DPP10: variants seen among roughly 807,000 people sequenced by gnomAD.
DPP10 encodes inactive dipeptidyl peptidase 10.
DPP10 carries 33 observed loss-of-function variants against 120.9 expected under a neutral mutation model. The observed-to-expected ratio is 0.27, with a 90% CI of 0.21 to 0.37. The LOEUF (loss-of-function observed/expected upper bound fraction) is 0.37. DPP10 is among the 10% of genes least tolerant of loss of function. DPP10 has a pLI of 1.00. For synonymous variants in DPP10, 337 were observed against 326.1 expected, an observed-to-expected ratio of 1.03 and a Z score of -0.36; for missense variants, 816 against 942.8, an observed-to-expected ratio of 0.87 and a Z score of 1.76.
At chr2:115,251,384 C>A (rs752059102) in intron 1 of DPP10, among the ~76,000 whole-genome samples, 1 of 152,122 alleles carries the variant, frequency 6.6e-6, no homozygotes, top group Non-Finnish European at 1.5e-5. Flanking sequence ...CACTCTCTGC[C>A]ACTTTTTCAG....
At chr2:115,777,035 C>T (rs1682183494) in intron 13 of DPP10, among the ~76,000 whole-genome samples, 173 bp from the exon 14 acceptor site, 1 of 151,964 alleles carries the variant, frequency 6.6e-6, no homozygotes, top group Non-Finnish European at 1.5e-5. Context: ...AACCTACCTG[C>T]CTTGATCTGT....
At chr2:115,565,748 GTTTTT>G (rs11327867) in intron 5 of DPP10, among the ~76,000 whole-genome samples, 112 of 138,484 alleles carry the variant, frequency 8.1e-4, no homozygotes, top group African/African-American at 2.8e-3. Context: ...GAGGTTATGG[GTTTTT>G]TTTTTTGTTT....
At chr2:115,546,339 A>G (rs2079499278) in intron 5 of DPP10, among the ~76,000 whole-genome samples, 1 of 152,110 alleles carries the variant, frequency 6.6e-6, no homozygotes, top group Admixed American at 6.6e-5. Context: ...ACATCTACAT[A>G]TATATGTACT....
intron 1 of DPP10, among the ~76,000 whole-genome samples, chr2:114,842,336 T>C: frequency 6.6e-6 from 1 of 152,146 alleles, no homozygotes; most frequent in South Asian, 2.1e-4. Flanking sequence ...TCTGGAGGAC[T>C]GTAGTGGAAC....
chr2:114,717,667 G>T (rs1246447294), intron 1 of DPP10, among the ~76,000 whole-genome samples: 1 of 152,138 alleles, frequency 6.6e-6, no homozygotes, highest in Admixed American at 6.5e-5. Context: ...GCCATGTAAT[G>T]AATGCCATAA....
intron 1 of DPP10, among the ~76,000 whole-genome samples, chr2:114,649,708 A>G (rs1696429791): frequency 6.6e-6 from 1 of 152,178 alleles, no homozygotes; most frequent in Admixed American, 6.5e-5. Flanking sequence ...AGGATTTTAA[A>G]CTGTCTAGAA....
intron 1 of DPP10, among the ~76,000 whole-genome samples, chr2:114,694,316 C>T (rs1303838013): frequency 6.6e-6 from 1 of 151,932 alleles, no homozygotes; most frequent in African/African-American, 2.4e-5. Context: ...TTCTCCCCTA[C>T]ATTTTAACAT....
chr2:114,662,528 A>C (rs1007790823), intron 1 of DPP10, among the ~76,000 whole-genome samples: 2 of 152,010 alleles, frequency 1.3e-5, no homozygotes, highest in Non-Finnish European at 2.9e-5. Flanking sequence ...ACTACAAGAC[A>C]ACGTCCAGAG....
rs1248684690 is a variant in DPP10 at position 115,762,469 on chromosome 2, AAG to A, written c.1075-98_1075-97del. On this transcript the variant is annotated intron_variant, in intron 11 of 25. Coordinates refer to ENST00000410059, the MANE Select transcript of DPP10 (RefSeq NM_020868.6). ...ATCTCTCATGGTGTTTCACCAGTTG[AAG>A]AGAGGGAAAAAAAACTGATAACCGT... 3.5e-6 allele frequency: 4 copies of A among 1,145,646 alleles called. No individual in the cohort carries two copies. The African/African-American group carries it at 6.1e-5, about 18-fold the overall frequency. 71.0% of individuals were successfully genotyped at this position (1,145,646 alleles called of 1,614,324 possible).
At chr2:115,439,663 G>A (rs1012625656) in intron 3 of DPP10, among the ~76,000 whole-genome samples, 3 of 152,158 alleles carry the variant, frequency 2.0e-5, no homozygotes, top group African/African-American at 4.8e-5. Context: ...TCCCCAAATT[G>A]TGATCTCCTA....
chr2:115,590,339 T>C (rs1287125159), intron 5 of DPP10, among the ~76,000 whole-genome samples: 270 of 152,060 alleles, frequency 1.8e-3, no homozygotes, highest in Non-Finnish European at 2.9e-3. Flanking sequence ...CACGACAGGC[T>C]CCAGTGTTTG....
chr2:114,562,151 G>T (rs1395543487), intron 1 of DPP10, among the ~76,000 whole-genome samples: 1 of 152,204 alleles, frequency 6.6e-6, no homozygotes, highest in Non-Finnish European at 1.5e-5. Flanking sequence ...TCAGCTGAAA[G>T]TTGGAGGAAA....
At position 114,725,361 on chromosome 2, in the gene DPP10, C is replaced by T. The variant is rs370997128; in HGVS notation, c.60+282523C>T. Among the ~76,000 whole-genome samples, 4 of 152,296 alleles carry T rather than the reference C, an allele frequency of 2.6e-5. No homozygotes were observed. In the East Asian group the frequency reaches 5.8e-4, roughly 22 times the overall value. ...GAATCAGTTTTTCACCACTTTCCATCACCTACCACCTCTGCTCTGCATCAA... is the reference window on the plus strand; with the variant it reads ...GAATCAGTTTTTCACCACTTTCCATTACCTACCACCTCTGCTCTGCATCAA... On this transcript the variant is annotated intron_variant, in intron 1 of 25. Coordinates refer to ENST00000410059, the MANE Select transcript of DPP10 (RefSeq NM_020868.6).
intron 4 of DPP10, among the ~76,000 whole-genome samples, chr2:115,505,423 A>G (rs1245796083): frequency 1.3e-5 from 2 of 152,034 alleles, no homozygotes; most frequent in African/African-American, 2.4e-5. Flanking sequence ...TCCAGTGTTG[A>G]TTTTTTTAGA....
At position 115,589,842 on chromosome 2, in the gene DPP10, C is replaced by G. The variant is rs146574065; in HGVS notation, c.441+63870C>G. Among the ~76,000 whole-genome samples, 216 of 152,210 alleles carry G rather than the reference C, an allele frequency of 1.4e-3. 2 individuals carry two copies. Among genetic ancestry groups the G allele is most frequent in the African/African-American group, 4.9e-3 (202 of 41,558 alleles). ...ATTGTGCAGATATTTTCCAGTATTA[C>G]AATGGATAGTTTCTGCCAAATAACT... On this transcript the variant is annotated intron_variant, in intron 5 of 25. Coordinates refer to ENST00000410059, the MANE Select transcript of DPP10 (RefSeq NM_020868.6).
In DPP10 at chr2:114,735,826, TGAG is replaced by T. The variant is rs367842344; in HGVS notation, c.60+292989_60+292991del. 2.7e-4 allele frequency among the ~76,000 whole-genome samples: 41 copies of T among 152,110 alleles called. No homozygotes were observed. In the East Asian group the frequency reaches 5.1e-3, roughly 19 times the overall value. ...GAAAAAATATCATTGACCAGAGTGA[TGAG>T]TAGGAGACTTTAGGACTCTAAAGAG... is the stretch of plus-strand genomic sequence containing the variant. On this transcript the variant is annotated intron_variant, in intron 1 of 25. Transcript: ENST00000410059.
chr2:115,418,587 A>G (rs1304244850), intron 3 of DPP10, among the ~76,000 whole-genome samples: 2 of 151,882 alleles, frequency 1.3e-5, no homozygotes, highest in African/African-American at 4.8e-5. Context: ...TCTAGGCAAC[A>G]CAGCAAGACC....
chr2:115,557,437 G>A (rs760175914), intron 5 of DPP10, among the ~76,000 whole-genome samples: 22 of 152,048 alleles, frequency 1.4e-4, no homozygotes, highest in Admixed American at 9.2e-4. Context: ...ATCCATCATC[G>A]AGAGTTTCTT....
chr2:115,357,252 A>G (rs915151329), intron 3 of DPP10, among the ~76,000 whole-genome samples: 11 of 152,232 alleles, frequency 7.2e-5, no homozygotes, highest in African/African-American at 2.4e-4. Context: ...CCTTCCACCT[A>G]GTGCCTGTAA....
Sources: allele counts gnomAD v4.1 joint callset (sites outside exome capture counted in the v4.1 genomes callset), GRCh38; gene constraint gnomAD v4.1.1; transcripts MANE v1.5; gene names NCBI Gene and HGNC (gene_info 2026-07-23, HGNC 2026-07-21).